Variants in COPG2 observed in about 807,000 individuals in gnomAD.
COPG2 encodes the protein coatomer subunit gamma-2.
A neutral mutation model predicts 46.3 loss-of-function variants in COPG2; 37 were observed. The observed-to-expected ratio is 0.80, with a 90% CI of 0.61 to 1.05. The LOEUF is 1.05. Among genes scored for constraint, COPG2 ranks in the 50% least tolerant of loss-of-function variants. The probability of loss-of-function intolerance (pLI) is 0.00; values close to 1 mark genes in which losing one functional copy is unlikely to be tolerated. For missense variants in COPG2, 427 were observed against 387.8 expected (o/e 1.10, Z -0.85); for synonymous variants, 159 against 129.7 (o/e 1.23, Z -1.53).
chr7:130,620,250 CCAGA>C (rs1554453431), intron 5 of COPG2, among the ~76,000 whole-genome samples: 1 of 151,936 alleles, frequency 6.6e-6, no homozygotes, highest in Non-Finnish European at 1.5e-5. Flanking sequence ...AGACACTGTT[CCAGA>C]CACTTAGGAT....
chr7:130,666,951 A>T (rs1728034747), intron 2 of COPG2, 22 bp from the exon 3 acceptor site: 10 of 1,326,890 alleles, frequency 7.5e-6, no homozygotes, highest in Non-Finnish European at 1.1e-5. Flanking sequence ...CATAAAAAAC[A>T]TTGCTACTTT....
intron 9 of COPG2, among the ~76,000 whole-genome samples, chr7:130,597,805 T>C (rs1170172254): frequency 6.6e-6 from 1 of 152,172 alleles, no homozygotes; most frequent in Non-Finnish European, 1.5e-5. Flanking sequence ...GCTGGCCAAA[T>C]TTTTCTAAGG....
chr7:130,523,119 C>CAAAAAAAAAA (rs1308994776), intron 20 of COPG2, among the ~76,000 whole-genome samples: 43,040 of 57,600 alleles, frequency 0.75, 17,499 homozygotes, highest in Non-Finnish European at 0.83. Context: ...ACTCTTCTCT[C>CAAAAAAAAAA]AAAAAAAAAA....
chr7:130,599,584 C>T (rs1794596917), intron 9 of COPG2, among the ~76,000 whole-genome samples: 1 of 152,028 alleles, frequency 6.6e-6, no homozygotes, highest in South Asian at 2.1e-4. Context: ...TGCCCACACT[C>T]CCCTTTCTTG....
At chr7:130,554,920 G>A (rs2116392623) in intron 13 of COPG2, 117 bp downstream of exon 13, 1 of 397,578 alleles carries the variant, frequency 2.5e-6, no homozygotes, top group African/African-American at 2.1e-5. Flanking sequence ...CAGACTTAGT[G>A]TACTACTTGA....
intron 3 of COPG2, among the ~76,000 whole-genome samples, chr7:130,663,730 C>CTTTTTTTT (rs71178602): frequency 7.4e-5 from 5 of 67,156 alleles, no homozygotes; most frequent in Admixed American, 2.2e-4. Flanking sequence ...CATTTCTTTT[C>CTTTTTTTT]TTTTTTTTTT....
intron 12 of COPG2, among the ~76,000 whole-genome samples, chr7:130,556,614 T>C (rs1316152276): frequency 2.0e-5 from 3 of 152,188 alleles, no homozygotes; most frequent in Non-Finnish European, 2.9e-5. Context: ...TAAAATCATT[T>C]ATAAATACCG....
At chr7:130,520,020 A>G (rs967442864) in intron 20 of COPG2, among the ~76,000 whole-genome samples, 19 of 152,210 alleles carry the variant, frequency 1.2e-4, no homozygotes, top group African/African-American at 3.6e-4. Flanking sequence ...ATTGGTGGAA[A>G]CCTTAAAAAC....
At chr7:130,620,722 A>T (rs1795025052) in intron 5 of COPG2, among the ~76,000 whole-genome samples, 1 of 152,180 alleles carries the variant, frequency 6.6e-6, no homozygotes. Context: ...GAGTTAGATG[A>T]TTAGATTATG....
At chr7:130,583,805 CAAAAAAAAAAA>C (rs1168370976) in intron 9 of COPG2, among the ~76,000 whole-genome samples, 39 of 12,354 alleles carry the variant, frequency 3.2e-3, no homozygotes, top group African/African-American at 8.5e-3. Flanking sequence ...GACTCCATCT[CAAAAAAAAAAA>C]AAAAAAAAAA....
At chr7:130,507,545 T>A (rs1799518264) in intron 22 of COPG2, 140 bp downstream of exon 22, 4 of 658,562 alleles carry the variant, frequency 6.1e-6, no homozygotes, top group Non-Finnish European at 1.1e-5. Context: ...AATTAGATGA[T>A]GAAGACAGGG....
At chr7:130,663,092 A>G (rs1796010059) in intron 3 of COPG2, 54 bp from the exon 4 acceptor site, 2 of 931,084 alleles carry the variant, frequency 2.1e-6, no homozygotes, top group Non-Finnish European at 1.6e-6. Flanking sequence ...ATTCATATAT[A>G]TGTACATATA....
At chr7:130,618,589 T>C (rs1186057141) in intron 5 of COPG2, among the ~76,000 whole-genome samples, 1 of 152,224 alleles carries the variant, frequency 6.6e-6, no homozygotes, top group Non-Finnish European at 1.5e-5. Context: ...CTGAATAATT[T>C]GTAAGTGTTC....
intron 20 of COPG2, among the ~76,000 whole-genome samples, chr7:130,520,616 A>G (rs1255818966): frequency 6.6e-6 from 1 of 152,146 alleles, no homozygotes; most frequent in African/African-American, 2.4e-5. Context: ...GAGATAGCAT[A>G]TTTTTGCCGT....
chr7:130,547,254 A>T (rs1793459146), intron 20 of COPG2: 1 of 155,092 alleles, frequency 6.4e-6, no homozygotes. Flanking sequence ...GATGTATTTT[A>T]AAATGCCAAC....
At chr7:130,589,034 G>GT (rs1371028301) in intron 9 of COPG2, among the ~76,000 whole-genome samples, 237 of 148,636 alleles carry the variant, frequency 1.6e-3, no homozygotes, top group African/African-American at 4.9e-3. Context: ...ACTTCACACA[G>GT]TTTTTTTTTT....
intron 9 of COPG2, among the ~76,000 whole-genome samples, chr7:130,574,465 C>T (rs1554445939): frequency 1.3e-5 from 2 of 152,098 alleles, no homozygotes; most frequent in African/African-American, 4.8e-5. Flanking sequence ...CAGTTTGGCT[C>T]ATAGGAAGCC....
chr7:130,608,591 A>C lies in COPG2; in HGVS notation c.737+2362T>G, dbSNP rs570820664. On this transcript the variant is annotated intron_variant, in intron 9 of 23. Coordinates refer to ENST00000425248, the MANE Select transcript of COPG2 (RefSeq NM_012133.6). ...ATACTTTTAGAGTATAGAACTCCAG[A>C]TTTTCAGTTATTTGTTTCAACAATT... is the stretch of plus-strand genomic sequence containing the variant. Among the ~76,000 whole-genome samples the C allele has an allele frequency of 4.6e-5, 7 of 152,122 alleles. No homozygotes were observed. The South Asian group carries it at 1.5e-3, about 32-fold the overall frequency.
intron 5 of COPG2, among the ~76,000 whole-genome samples, chr7:130,634,316 T>A (rs188732161): frequency 1.3e-5 from 2 of 152,222 alleles, no homozygotes; most frequent in Admixed American, 1.3e-4. Flanking sequence ...TTGGGCAGTA[T>A]GGCCATTTTC....
Sources: gnomAD v4.1 joint callset for allele counts (sites outside exome capture counted in the v4.1 genomes callset) on GRCh38, gnomAD v4.1.1 for gene constraint, MANE v1.5 for transcripts, NCBI Gene and HGNC (gene_info 2026-07-23, HGNC 2026-07-21) for gene names.